PARP4: variants seen among roughly 807,000 people sequenced by gnomAD.
The protein encoded by PARP4 is poly(ADP-ribose) polymerase family member 4.
In PARP4, 120 loss-of-function variants were observed where a neutral mutation model predicts 187.7. The observed-to-expected ratio is 0.64, with a 90% CI of 0.55 to 0.74. The LOEUF (loss-of-function observed/expected upper bound fraction) is 0.74. Among genes scored for constraint, PARP4 ranks in the 30% least tolerant of loss-of-function variants. The pLI, the probability that PARP4 is intolerant of heterozygous loss-of-function variation, is 0.00. For synonymous variants in PARP4, 654 were observed against 740.9 expected, an observed-to-expected ratio of 0.88 and a Z score of 1.90; for missense variants, 1,836 against 2,070.5, an observed-to-expected ratio of 0.89 and a Z score of 2.20.
At chr13:24,463,441 A>C (rs9511281) in intron 17 of PARP4, among the ~76,000 whole-genome samples, 77,214 of 151,786 alleles carry the variant, frequency 0.51, 19,958 homozygotes, top group South Asian at 0.65. Flanking sequence ...AATGAAGAGC[A>C]CCAGAAACGG....
chr13:24,493,883 T>C, intron 7 of PARP4, 150 bp from the exon 8 acceptor site: 1 of 695,220 alleles, frequency 1.4e-6, no homozygotes. Context: ...ATCCTTTCTC[T>C]ACTAGATCCT....
rs151145436 is a variant in PARP4, at chr13:24,435,093, A to G, written c.4048T>C (p.Phe1350Leu). The change falls in exon 31 of 34, where the codon TTC becomes CTC. Residue 1350 changes from phenylalanine (F) to leucine (L), a missense_variant. This residue lies in a region of PARP4 where 450 missense variants were observed against 439.2 expected (regional missense o/e 1.02). Transcript: ENST00000381989. ...SFASYRQVAS[F>L]GSAAPPRQFD... is the part of the protein sequence containing the mutation. The stretch of plus-strand genomic sequence containing the variant: ...TGTCTGGGAGGAGCAGCTGAACCGA[A>G]ACTAGCTACCTGACGATATGAGGCA... 3.0e-5 allele frequency: 49 copies of G among 1,614,048 alleles called. No individual in the cohort carries two copies. The highest frequency in any genetic ancestry group is 4.0e-5 in the Non-Finnish European group (47 of 1,180,050).
intron 12 of PARP4, among the ~76,000 whole-genome samples, chr13:24,479,580 G>A (rs1873159062): frequency 6.6e-6 from 1 of 152,118 alleles, no homozygotes; most frequent in East Asian, 1.9e-4. Context: ...TGGGGCCTTG[G>A]AGAACCTTTG....
At chr13:24,493,514 T>G in intron 8 of PARP4, 82 bp downstream of exon 8, 2 of 1,350,114 alleles carry the variant, frequency 1.5e-6, no homozygotes, top group Non-Finnish European at 1.0e-6. Context: ...CAGGCCAGCA[T>G]GCAAACACAC....
chr13:24,510,596 T>A (rs56412711), intron 1 of PARP4, among the ~76,000 whole-genome samples: 19,354 of 150,478 alleles, frequency 0.13, 1,498 homozygotes, highest in Middle Eastern at 0.3. Context: ...AAATACACTT[T>A]AATTAAAATG....
chr13:24,475,570 A>G lies in PARP4; in HGVS notation c.1816T>C (p.Ser606Pro). 1 of 1,614,162 alleles carries G rather than the reference A, an allele frequency of 6.2e-7. No individual in the cohort carries two copies. The highest frequency in any genetic ancestry group is 8.5e-7 in the Non-Finnish European group (1 of 1,179,994). Reference protein sequence around the residue: ...EDYQLPDAKTSSSTKAGLQDA... With the variant: ...EDYQLPDAKTPSSTKAGLQDA... ...TGGAGGCCGGCCTTGGTGCTGCTGG[A>G]AGTTTTGGCATCTGGTAACTGGTAA... Residue 606 changes from serine to proline, a missense_variant, in exon 15 of 34, where the codon TCC becomes CCC. Ser to Pro is a moderately conservative substitution (Grantham distance 74). This residue lies in a region of PARP4 where 1,147 missense variants were observed against 1,214.2 expected (regional missense o/e 0.94). Coordinates refer to ENST00000381989, the MANE Select transcript of PARP4 (RefSeq NM_006437.4).
At chr13:24,500,284 A>G (rs767166991) in intron 4 of PARP4, 32 bp downstream of exon 4, 42 of 1,329,744 alleles carry the variant, frequency 3.2e-5, no homozygotes, top group Non-Finnish European at 4.1e-5. Context: ...CAAACTCTGT[A>G]GAGTCCCAGG....
chr13:24,420,962 A>T lies in PARP4; in HGVS notation c.*157T>A. ...AAGTTTCATTTTATTATTGCTTGTT[A>T]GTTGATTAAAGTAATTCTTCTTCCA... On this transcript the variant is annotated 3_prime_UTR_variant, in exon 34 of 34. Coordinates refer to ENST00000381989, the MANE Select transcript of PARP4 (RefSeq NM_006437.4). 2.5e-6 allele frequency: 2 copies of T among 790,408 alleles called. No homozygotes were observed. Among genetic ancestry groups the T allele is most frequent in the Non-Finnish European group, 3.5e-6 (2 of 574,554 alleles). The allele number at this position is 790,408 out of a possible 1,614,324, so 49.0% of individuals were successfully genotyped here.
Position 24,420,943 on chromosome 13 carries a change from C to T in PARP4, c.*176G>A. The T allele has an allele frequency of 1.7e-6, 1 of 604,960 alleles. No individual in the cohort carries two copies. The highest frequency in any genetic ancestry group is 2.3e-6 in the Non-Finnish European group (1 of 429,032). The allele number at this position is 604,960 out of a possible 1,614,324, so 37.5% of individuals were successfully genotyped here. On this transcript the variant is annotated 3_prime_UTR_variant, in exon 34 of 34. Coordinates refer to ENST00000381989, the MANE Select transcript of PARP4 (RefSeq NM_006437.4). ...CAGAAAACTGAAATATTTTAAGTTT[C>T]ATTTTATTATTGCTTGTTAGTTGAT...
intron 2 of PARP4, among the ~76,000 whole-genome samples, chr13:24,503,094 C>T (rs1350976827): frequency 6.6e-6 from 1 of 152,224 alleles, no homozygotes; most frequent in Non-Finnish European, 1.5e-5. Flanking sequence ...AGATTTCATC[C>T]AGCTGTAAAA....
intron 5 of PARP4, among the ~76,000 whole-genome samples, chr13:24,498,741 C>A (rs1218860147): frequency 7.4e-6 from 1 of 134,320 alleles, no homozygotes; most frequent in Non-Finnish European, 1.7e-5. Context: ...TGTTGATTTT[C>A]ATTTGTGGGG....
In PARP4 at chr13:24,506,954, G is replaced by A. The variant is rs995008376; in HGVS notation, c.-1-3177C>T. ...CTGCAGGTCCCGAGCCCTGCCCCGC[G>A]GGGAGGCAGCTAAGGCTCCACGAGA... On this transcript the variant is annotated intron_variant, in intron 1 of 33. Transcript: ENST00000381989. Among the ~76,000 whole-genome samples the A allele has an allele frequency of 5.4e-4, 83 of 152,356 alleles. 1 individual carries two copies. The highest frequency in any genetic ancestry group is 1.9e-3 in the African/African-American group (79 of 41,586).
intron 12 of PARP4, among the ~76,000 whole-genome samples, chr13:24,480,518 T>C (rs1407796423): frequency 4.6e-5 from 7 of 152,092 alleles, no homozygotes; most frequent in Admixed American, 1.3e-4. Context: ...GTTATCCAAG[T>C]GGTGAATGTA....
chr13:24,510,001 C>T (rs756547066), intron 1 of PARP4, among the ~76,000 whole-genome samples: 5 of 152,016 alleles, frequency 3.3e-5, no homozygotes, highest in Non-Finnish European at 5.9e-5. Context: ...CACCTAGCCC[C>T]CACTGTTGAT....
rs755240972 is a variant in PARP4 at position 24,494,627 on chromosome 13, TA to T, written c.686del (p.Leu229GlnfsTer12). ...TTGCTTCAGGTGTGAAATGTTCTCT[TA>T]GTAGAAATCCTTGTTTCTTCAGTTC... ...IEELKKQGFLLREHFTPEATQ... is the reference protein window; with the variant it reads ...IEELKKQGFLXREHFTPEATQ... On this transcript the variant is annotated frameshift_variant, in exon 7 of 34. Coordinates refer to ENST00000381989, the MANE Select transcript of PARP4 (RefSeq NM_006437.4). LOFTEE classifies it high-confidence loss of function. The T allele has an allele frequency of 6.2e-7, 1 of 1,611,616 alleles. No homozygotes were observed. Among genetic ancestry groups the T allele is most frequent in the Admixed American group, 1.7e-5 (1 of 59,926 alleles).
rs770601665 is a variant in PARP4, at chr13:24,435,262, A to C, written c.3879T>G (p.Cys1293Trp). Residue 1293 changes from cysteine (C) to tryptophan (W), a missense_variant, in exon 31 of 34, where the codon TGT becomes TGG. Transcript: ENST00000381989. ...KLLDLSWTES[C>W]KPTATEPLFK... ...ATAGTGGTTCAGTTGCTGTTGGTTT[A>C]CATGACTCTGTCCAACTTAAATCCA... 4 of 1,613,706 alleles carry C rather than the reference A, an allele frequency of 2.5e-6. No individual in the cohort carries two copies. The highest frequency in any genetic ancestry group is 2.2e-5 in the East Asian group (1 of 44,882).
chr13:24,510,347 G>A (rs1407924143), intron 1 of PARP4, among the ~76,000 whole-genome samples: 1 of 152,026 alleles, frequency 6.6e-6, no homozygotes, highest in Non-Finnish European at 1.5e-5. Context: ...GAGGTCAGGA[G>A]ATCGAGGCCA....
chr13:24,460,010 G>C lies in PARP4; in HGVS notation c.2260C>G (p.Pro754Ala). ...TTCAAAGCCTTGTCCTGTTGCCAGG[G>C]TGCTACGGTGGCGGGCATGAAAAAG... ...GVFFMPATVA[P>A]WQQDKALNEN... The change falls in exon 18 of 34, where the codon CCC (proline) becomes GCC (alanine). Residue 754 changes from proline to alanine, a missense_variant. This residue lies in a region of PARP4 where 1,147 missense variants were observed against 1,214.2 expected (regional missense o/e 0.94). Coordinates refer to ENST00000381989, the MANE Select transcript of PARP4 (RefSeq NM_006437.4). 1 of 1,614,094 alleles carries C rather than the reference G, an allele frequency of 6.2e-7. No homozygotes were observed. Among genetic ancestry groups the C allele is most frequent in the Non-Finnish European group, 8.5e-7 (1 of 1,180,008 alleles).
Position 24,435,151 on chromosome 13 carries a change from A to G in PARP4, c.3990T>C (p.Thr1330=). 3 of 1,614,186 alleles carry G rather than the reference A, an allele frequency of 1.9e-6. No individual in the cohort carries two copies. Among genetic ancestry groups the G allele is most frequent in the Non-Finnish European group, 2.5e-6 (3 of 1,180,020 alleles). ...APAVGSYLPP[T]ARAHSPASLS... ...AGGAAGCAGGACTGTGAGCGCGGGCAGTCGGGGGAAGATAGGAACCAACGG... is the reference window on the plus strand; with the variant it reads ...AGGAAGCAGGACTGTGAGCGCGGGCGGTCGGGGGAAGATAGGAACCAACGG... The change falls in exon 31 of 34, where the codon ACT becomes ACC. Residue 1330 remains threonine, a synonymous_variant. Transcript: ENST00000381989.
Sources: allele counts gnomAD v4.1 joint callset (sites outside exome capture counted in the v4.1 genomes callset), GRCh38; gene constraint gnomAD v4.1.1; regional missense constraint gnomAD v4.1.1; transcripts MANE v1.5; gene names NCBI Gene and HGNC (gene_info 2026-07-23, HGNC 2026-07-21).